ARHGAP24: variants seen among roughly 807,000 people sequenced by gnomAD.
ARHGAP24 encodes Rho GTPase activating protein 24, also known as rho GTPase-activating protein 24.
In ARHGAP24, 50 loss-of-function variants were observed where a neutral mutation model predicts 76.4. The observed-to-expected ratio is 0.65, with a 90% CI of 0.52 to 0.83. The LOEUF is 0.83. ARHGAP24 is among the 40% of genes least tolerant of loss of function. The pLI, the probability that ARHGAP24 is intolerant of heterozygous loss-of-function variation, is 0.00. For synonymous variants in ARHGAP24, 345 were observed against 323.3 expected (o/e 1.07, Z -0.72); for missense variants, 930 against 914.2 (o/e 1.02, Z -0.22).
chr4:85,707,343 T>C (rs2110031529), intron 2 of ARHGAP24, among the ~76,000 whole-genome samples: 1 of 152,348 alleles, frequency 6.6e-6, no homozygotes, highest in Non-Finnish European at 1.5e-5. Flanking sequence ...TTGTGCTTTT[T>C]TTTCCCTCAC....
chr4:85,814,286 A>G (rs1203543990), intron 3 of ARHGAP24, among the ~76,000 whole-genome samples: 1 of 152,196 alleles, frequency 6.6e-6, no homozygotes, highest in Non-Finnish European at 1.5e-5. Flanking sequence ...CTTTTCCAAA[A>G]GTCCCCCAAA....
At chr4:85,895,201 T>C (rs1734110091) in intron 3 of ARHGAP24, among the ~76,000 whole-genome samples, 1 of 151,880 alleles carries the variant, frequency 6.6e-6, no homozygotes, top group Admixed American at 6.6e-5. Flanking sequence ...CAAAAAACTA[T>C]TAAAATAAAA....
chr4:85,563,273 A>G (rs1726671197), intron 1 of ARHGAP24, among the ~76,000 whole-genome samples: 1 of 152,184 alleles, frequency 6.6e-6, no homozygotes, highest in African/African-American at 2.4e-5. Context: ...AGGCTTCCAT[A>G]GCAAGATACC....
intron 3 of ARHGAP24, among the ~76,000 whole-genome samples, chr4:85,913,363 C>G (rs1418605278): frequency 2.0e-5 from 3 of 151,368 alleles, no homozygotes; most frequent in Non-Finnish European, 4.4e-5. Flanking sequence ...CTAATGACCT[C>G]CATTTTCCCT....
intron 9 of ARHGAP24, among the ~76,000 whole-genome samples, chr4:85,996,562 G>A (rs1175340185): frequency 1.3e-5 from 2 of 151,846 alleles, no homozygotes; most frequent in East Asian, 3.9e-4. Flanking sequence ...TCAATTATCA[G>A]ACAAAAAGAT....
At chr4:85,794,661 T>A (rs1052057552) in intron 3 of ARHGAP24, among the ~76,000 whole-genome samples, 1 of 152,192 alleles carries the variant, frequency 6.6e-6, no homozygotes, top group Non-Finnish European at 1.5e-5. Context: ...GTTTGTATTT[T>A]CAGTAGAGAC....
intron 2 of ARHGAP24, among the ~76,000 whole-genome samples, chr4:85,717,011 G>C (rs542479083): frequency 6.6e-6 from 1 of 152,082 alleles, no homozygotes; most frequent in Non-Finnish European, 1.5e-5. Flanking sequence ...GGAATTTATA[G>C]AGATTAATCT....
intron 3 of ARHGAP24, among the ~76,000 whole-genome samples, chr4:85,791,101 C>G (rs551013352): frequency 3.3e-5 from 5 of 152,128 alleles, no homozygotes; most frequent in Non-Finnish European, 7.4e-5. Flanking sequence ...GTGTCCTTCC[C>G]CTTTTTAACC....
intron 2 of ARHGAP24, among the ~76,000 whole-genome samples, chr4:85,631,792 C>T (rs1721167225): frequency 6.6e-6 from 1 of 151,966 alleles, no homozygotes. Flanking sequence ...TATTTTATGC[C>T]TAGGGTCTTT....
In ARHGAP24 at chr4:85,740,224, G is replaced by GTT. The variant is rs35165918; in HGVS notation, c.268+18265_268+18266dup. Among the ~76,000 whole-genome samples the GTT allele has an allele frequency of 1.1e-3, 152 of 144,550 alleles. 2 individuals are homozygous for GTT. In the South Asian group the frequency reaches 0.011, roughly 11 times the overall value. The allele number at this position is 144,550 out of a possible 152,430, so 94.8% of individuals were successfully genotyped here. A position where few individuals can be genotyped will look rare whatever the true frequency, so the allele number is the denominator to read the frequency against. Reference sequence around the variant, plus strand: ...TATTCTTTTTGTTGTTGTTGTTGGGGTTTTTTTTTTTTTTAGACGGAGTGT... The same window carrying GTT: ...TATTCTTTTTGTTGTTGTTGTTGGGGTTTTTTTTTTTTTTTTAGACGGAGTGT... On this transcript the variant is annotated intron_variant, in intron 3 of 9. Coordinates refer to ENST00000395184, the MANE Select transcript of ARHGAP24 (RefSeq NM_001025616.3).
At chr4:85,688,026 T>G (rs1216975014) in intron 2 of ARHGAP24, among the ~76,000 whole-genome samples, 1 of 152,152 alleles carries the variant, frequency 6.6e-6, no homozygotes, top group Non-Finnish European at 1.5e-5. Context: ...TTGGCCAGGC[T>G]GATCTCGAAC....
intron 2 of ARHGAP24, among the ~76,000 whole-genome samples, chr4:85,704,305 A>G (rs1396978298): frequency 6.6e-6 from 1 of 152,204 alleles, no homozygotes; most frequent in African/African-American, 2.4e-5. Flanking sequence ...TGTAGCTTCC[A>G]GCCTTTTAGT....
chr4:85,544,680 A>G (rs937205885), intron 1 of ARHGAP24, among the ~76,000 whole-genome samples: 1 of 151,700 alleles, frequency 6.6e-6, no homozygotes, highest in African/African-American at 2.4e-5. Context: ...ACATATATGT[A>G]TATATATATA....
intron 4 of ARHGAP24, among the ~76,000 whole-genome samples, chr4:85,925,671 C>T (rs1735981637): frequency 6.6e-6 from 1 of 152,076 alleles, no homozygotes; most frequent in African/African-American, 2.4e-5. Flanking sequence ...CATAAATTTA[C>T]TTTATCATAG....
At chr4:85,919,156 G>A (rs989818696) in intron 3 of ARHGAP24, among the ~76,000 whole-genome samples, 1 of 152,102 alleles carries the variant, frequency 6.6e-6, no homozygotes, top group Non-Finnish European at 1.5e-5. Flanking sequence ...TTCACCTCTT[G>A]AAAGAATTTT....
intron 1 of ARHGAP24, among the ~76,000 whole-genome samples, chr4:85,532,221 C>G (rs1431406953): frequency 6.6e-6 from 1 of 151,976 alleles, no homozygotes; most frequent in Non-Finnish European, 1.5e-5. Flanking sequence ...TGTTTTGTCT[C>G]TTTGTGATTG....
rs36081055 is a variant in ARHGAP24 at position 85,516,405 on chromosome 4, CTT to C, written c.-21+40847_-21+40848del. On this transcript the variant is annotated intron_variant, in intron 1 of 9. Coordinates refer to ENST00000395184, the MANE Select transcript of ARHGAP24 (RefSeq NM_001025616.3). ...AGAAGTATGCCATAGAAATTTAACTCTTGTTTATATCAATTAACCTACAGTAA... is the reference window on the plus strand; with the variant it reads ...AGAAGTATGCCATAGAAATTTAACTCGTTTATATCAATTAACCTACAGTAA... Among the ~76,000 whole-genome samples the C allele has an allele frequency of 9.4e-3, 1,428 of 152,184 alleles. 24 individuals are homozygous for C. The highest frequency in any genetic ancestry group is 0.032 in the African/African-American group (1,346 of 41,508).
intron 2 of ARHGAP24, among the ~76,000 whole-genome samples, chr4:85,572,939 C>T (rs72979934): frequency 0.31 from 43,383 of 141,492 alleles, 8,775 homozygotes; most frequent in East Asian, 0.78. Context: ...TGCGGTGGTG[C>T]GATCTCGGCT....
At chr4:85,852,872 A>G (rs1578300599) in intron 3 of ARHGAP24, among the ~76,000 whole-genome samples, 1 of 152,184 alleles carries the variant, frequency 6.6e-6, no homozygotes. Context: ...ATACGGCAGC[A>G]TGAGATGTCA....
Sources: allele counts gnomAD v4.1 joint callset (sites outside exome capture counted in the v4.1 genomes callset), GRCh38; gene constraint gnomAD v4.1.1; transcripts MANE v1.5; gene names NCBI Gene and HGNC (gene_info 2026-07-23, HGNC 2026-07-21).